The following MMP26 variants were observed in gnomAD, a reference collection of about 807,000 sequenced individuals.
MMP26 encodes the protein matrix metallopeptidase 26.
A neutral mutation model predicts 31.0 loss-of-function variants in MMP26; 33 were observed. The ratio of observed to expected loss-of-function variants is 1.06; its 90% CI spans 0.81 to 1.42. MMP26 has a LOEUF of 1.42. Among genes scored for constraint, MMP26 ranks in the 40% most tolerant of loss-of-function variants. The pLI, the probability that MMP26 is intolerant of heterozygous loss-of-function variation, is 0.00. For missense variants in MMP26, 347 were observed against 316.1 expected (o/e 1.10, Z -0.74); for synonymous variants, 122 against 114.9 (o/e 1.06, Z -0.40).
At chr11:4,898,430 G>A (rs964610342) in intron 2 of MMP26, among the ~76,000 whole-genome samples, 2 of 151,772 alleles carry the variant, frequency 1.3e-5, no homozygotes, top group Non-Finnish European at 2.9e-5. Flanking sequence ...TGTTTGCTGT[G>A]GCTCTCTTCT....
chr11:4,914,818 A>T, intron 2 of MMP26: 1 of 1,613,834 alleles, frequency 6.2e-7, no homozygotes, highest in East Asian at 2.2e-5. Flanking sequence ...GATACATGAA[A>T]CCCATGACCA....
At chr11:4,827,971 C>T (rs1039987103) in intron 2 of MMP26, among the ~76,000 whole-genome samples, 2 of 152,004 alleles carry the variant, frequency 1.3e-5, no homozygotes, top group Admixed American at 1.3e-4. Flanking sequence ...GATGTAGATA[C>T]ATGTCAGGAA....
At chr11:4,972,494 G>A (rs576516314) in intron 2 of MMP26, among the ~76,000 whole-genome samples, 1 of 152,216 alleles carries the variant, frequency 6.6e-6, no homozygotes, top group Non-Finnish European at 1.5e-5. Flanking sequence ...GTTCAAGAGT[G>A]TTATTGCCCA....
chr11:4,918,499 A>G (rs1483793950), intron 2 of MMP26, among the ~76,000 whole-genome samples: 1 of 152,200 alleles, frequency 6.6e-6, no homozygotes, highest in Non-Finnish European at 1.5e-5. Context: ...AATAAAATTC[A>G]GAATAATGAT....
intron 2 of MMP26, among the ~76,000 whole-genome samples, chr11:4,883,432 C>G (rs371422078): frequency 6.6e-6 from 1 of 152,240 alleles, no homozygotes. Flanking sequence ...TACAAATATA[C>G]TCCCTATACC....
chr11:4,992,063 A>T lies in MMP26; in HGVS notation c.695A>T (p.Tyr232Phe). ...QSSIMYPTYW[Y>F]HDPRTFQLSA... The stretch of plus-strand genomic sequence containing the variant: ...TCCATAATGTACCCCACTTACTGGT[A>T]TCACGACCCTAGAACCTTCCAGCTC... Residue 232 changes from tyrosine to phenylalanine, a missense_variant, in exon 7 of 8, where the codon TAT (tyrosine) becomes TTT (phenylalanine). Tyr to Phe is a conservative substitution (Grantham distance 22). Transcript: ENST00000380390. The T allele has an allele frequency of 6.2e-7, 1 of 1,614,048 alleles. No homozygotes were observed. The highest frequency in any genetic ancestry group is 8.5e-7 in the Non-Finnish European group (1 of 1,179,982).
intron 2 of MMP26, among the ~76,000 whole-genome samples, chr11:4,920,609 T>A (rs1226305817): frequency 1.4e-4 from 22 of 152,162 alleles, no homozygotes; most frequent in Non-Finnish European, 4.4e-5. Flanking sequence ...TATAATTAAA[T>A]GCAAAGCAAG....
At chr11:4,884,051 A>C (rs1007327532) in intron 2 of MMP26, among the ~76,000 whole-genome samples, 1 of 152,112 alleles carries the variant, frequency 6.6e-6, no homozygotes, top group African/African-American at 2.4e-5. Flanking sequence ...TGTTCAGCTC[A>C]AGCACTGACA....
In MMP26 at chr11:4,861,771, C is replaced by T. The variant is rs115784245; in HGVS notation, c.-145+94430C>T. 5.8e-3 allele frequency among the ~76,000 whole-genome samples: 880 copies of T among 152,140 alleles called. 9 individuals carry two copies. Among genetic ancestry groups the T allele is most frequent in the African/African-American group, 0.02 (840 of 41,534 alleles). ...CTGATCTTTCTGTACCCATGAGTGCCGCCTTCTAATACATTCTTCATTTGG... is the reference window on the plus strand; with the variant it reads ...CTGATCTTTCTGTACCCATGAGTGCTGCCTTCTAATACATTCTTCATTTGG... On this transcript the variant is annotated intron_variant, in intron 2 of 7. Coordinates refer to ENST00000380390, the MANE Select transcript of MMP26 (RefSeq NM_021801.5).
At chr11:4,909,614 A>G (rs1463780730) in intron 2 of MMP26, among the ~76,000 whole-genome samples, 3 of 152,140 alleles carry the variant, frequency 2.0e-5, no homozygotes, top group Admixed American at 2.0e-4. Context: ...TGGTTATCAA[A>G]CTGTGAAGAT....
intron 2 of MMP26, chr11:4,914,170 C>T (rs1034501064): frequency 1.3e-5 from 2 of 152,542 alleles, no homozygotes; most frequent in African/African-American, 4.8e-5. Flanking sequence ...AACACTGACT[C>T]AGCTAAGGTC....
At chr11:4,804,093 C>T (rs1051752523) in intron 2 of MMP26, 3 of 1,613,944 alleles carry the variant, frequency 1.9e-6, no homozygotes, top group Non-Finnish European at 1.7e-6. Context: ...AGGCATGGTA[C>T]TGAATCTCAT....
rs369317558 is a variant in MMP26, at chr11:4,933,194, G to T, written c.-144-54874G>T. ...TAAAGGTGACAATGTGTGTGTATTTGTGTGTGTGGTTTTTGTGACTCTATA... is the reference window on the plus strand; with the variant it reads ...TAAAGGTGACAATGTGTGTGTATTTTTGTGTGTGGTTTTTGTGACTCTATA... On this transcript the variant is annotated intron_variant, in intron 2 of 7. Coordinates refer to ENST00000380390, the MANE Select transcript of MMP26 (RefSeq NM_021801.5). 1.4e-4 allele frequency among the ~76,000 whole-genome samples: 21 copies of T among 152,214 alleles called. No homozygotes were observed. The East Asian group carries it at 3.9e-3, about 28-fold the overall frequency.
At chr11:4,895,453 C>T (rs11034563) in intron 2 of MMP26, among the ~76,000 whole-genome samples, 40,874 of 152,168 alleles carry the variant, frequency 0.27, 7,317 homozygotes, top group Non-Finnish European at 0.39. Context: ...CTGTTCTTTG[C>T]TGGGGCAGAT....
At chr11:4,773,525 T>G (rs182953121) in intron 2 of MMP26, among the ~76,000 whole-genome samples, 12 of 151,656 alleles carry the variant, frequency 7.9e-5, no homozygotes, top group African/African-American at 2.4e-4. Flanking sequence ...ACACAGCCTT[T>G]GGAGAAAACT....
At chr11:4,843,519 C>T (rs1849824971) in intron 2 of MMP26, among the ~76,000 whole-genome samples, 1 of 152,242 alleles carries the variant, frequency 6.6e-6, no homozygotes, top group African/African-American at 2.4e-5. Flanking sequence ...CTCCTTTTAG[C>T]AATGGCTGGA....
At chr11:4,730,924 A>G (rs987270357) in intron 1 of MMP26, among the ~76,000 whole-genome samples, 2 of 152,088 alleles carry the variant, frequency 1.3e-5, no homozygotes, top group Non-Finnish European at 2.9e-5. Context: ...AAGATGCACC[A>G]TTCTTTATTA....
rs181001670 is a variant in MMP26 at position 4,916,428 on chromosome 11, T to C, written c.-144-71640T>C. Among the ~76,000 whole-genome samples, 256 of 152,332 alleles carry C rather than the reference T, an allele frequency of 1.7e-3. 2 individuals carry two copies. The highest frequency in any genetic ancestry group is 9.0e-4 in the Non-Finnish European group (61 of 68,038). On this transcript the variant is annotated intron_variant, in intron 2 of 7. Coordinates refer to ENST00000380390, the MANE Select transcript of MMP26 (RefSeq NM_021801.5). The stretch of plus-strand genomic sequence containing the variant: ...AAAAAAAAAGTCCTCACATGCCTTT[T>C]TTCTACCAGGCCTCTCACTAACATT...
chr11:4,907,789 G>C, intron 2 of MMP26: 1 of 1,613,816 alleles, frequency 6.2e-7, no homozygotes, highest in Non-Finnish European at 8.5e-7. Context: ...CTAGCAACAG[G>C]GTTGCTAAAA....
Sources: allele counts gnomAD v4.1 joint callset (sites outside exome capture counted in the v4.1 genomes callset), GRCh38; gene constraint gnomAD v4.1.1; transcripts MANE v1.5; gene names NCBI Gene and HGNC (gene_info 2026-07-23, HGNC 2026-07-21).